PARD3: variants seen among roughly 807,000 people sequenced by gnomAD.
PARD3 encodes partitioning defective 3 homolog.
In PARD3, 75 loss-of-function variants were observed where a neutral mutation model predicts 155.4. That is an observed-to-expected ratio of 0.48 (90% CI 0.40 to 0.58). The LOEUF is 0.58. PARD3 is among the 20% of genes least tolerant of loss of function. The pLI, the probability that PARD3 is intolerant of heterozygous loss-of-function variation, is 0.00. For synonymous variants in PARD3, 576 were observed against 610.5 expected (o/e 0.94, Z 0.83); for missense variants, 1,642 against 1,721.7 (o/e 0.95, Z 0.82).
At chr10:34,579,337 G>A (rs1016917898) in intron 2 of PARD3, among the ~76,000 whole-genome samples, 3 of 151,604 alleles carry the variant, frequency 2.0e-5, no homozygotes, top group Middle Eastern at 3.4e-3. Context: ...AAACCCCAGC[G>A]CCTCTAAGCA....
chr10:34,789,756 C>G (rs868266161), intron 1 of PARD3, among the ~76,000 whole-genome samples: 3 of 148,698 alleles, frequency 2.0e-5, no homozygotes, highest in Non-Finnish European at 4.5e-5. Context: ...CACAAACAAA[C>G]AGAAAGAATG....
intron 20 of PARD3, among the ~76,000 whole-genome samples, chr10:34,288,309 T>C (rs1324553347): frequency 6.6e-6 from 1 of 152,200 alleles, no homozygotes; most frequent in Non-Finnish European, 1.5e-5. Flanking sequence ...TAGTAATTGC[T>C]TTAGTTAATA....
chr10:34,608,917 C>T (rs1232390160), intron 2 of PARD3, among the ~76,000 whole-genome samples: 1 of 152,084 alleles, frequency 6.6e-6, no homozygotes, highest in East Asian at 1.9e-4. Flanking sequence ...ATCTAGAGAT[C>T]ATCTACAGTC....
chr10:34,694,701 C>T (rs1484360424), intron 2 of PARD3, among the ~76,000 whole-genome samples: 4 of 151,962 alleles, frequency 2.6e-5, no homozygotes, highest in Non-Finnish European at 5.9e-5. Flanking sequence ...TTTTTTGATA[C>T]AATGTATTCC....
intron 2 of PARD3, among the ~76,000 whole-genome samples, chr10:34,612,236 G>C (rs2090965893): frequency 6.6e-6 from 1 of 152,054 alleles, no homozygotes; most frequent in Admixed American, 6.6e-5. Flanking sequence ...TTAATTGTAT[G>C]TTTATGCCTA....
intron 1 of PARD3, among the ~76,000 whole-genome samples, chr10:34,757,747 T>C (rs542212357): frequency 6.6e-6 from 1 of 151,890 alleles, no homozygotes; most frequent in Non-Finnish European, 1.5e-5. Context: ...TGAAAACCAT[T>C]GCAAATTCTA....
intron 7 of PARD3, among the ~76,000 whole-genome samples, chr10:34,388,130 C>T (rs1398415613): frequency 1.3e-5 from 2 of 152,136 alleles, no homozygotes; most frequent in African/African-American, 2.4e-5. Context: ...AGAGAAAGAA[C>T]ATCACCCTGA....
intron 3 of PARD3, among the ~76,000 whole-genome samples, chr10:34,492,189 C>G (rs1281232906): frequency 6.6e-6 from 1 of 152,154 alleles, no homozygotes; most frequent in East Asian, 1.9e-4. Context: ...CGTTAGTTTT[C>G]TCTGCAAACA....
At chr10:34,700,997 G>T (rs1186296831) in intron 1 of PARD3, among the ~76,000 whole-genome samples, 1 of 151,806 alleles carries the variant, frequency 6.6e-6, no homozygotes, top group East Asian at 1.9e-4. Flanking sequence ...AAATTTATCT[G>T]ACAAAATATA....
intron 22 of PARD3, among the ~76,000 whole-genome samples, chr10:34,261,817 G>GAAAC (rs1444824489): frequency 1.4e-4 from 14 of 96,596 alleles, no homozygotes; most frequent in South Asian, 4.3e-4. Context: ...AAGAAAGAAA[G>GAAAC]AAAGAAAGAA....
intron 14 of PARD3, among the ~76,000 whole-genome samples, chr10:34,352,344 C>G (rs1265175119): frequency 6.6e-6 from 1 of 151,628 alleles, no homozygotes; most frequent in African/African-American, 2.4e-5. Context: ...TTTTGCTCCC[C>G]TCTCCCCTCT....
intron 1 of PARD3, among the ~76,000 whole-genome samples, chr10:34,729,020 C>A (rs2094769152): frequency 6.6e-6 from 1 of 152,180 alleles, no homozygotes; most frequent in Admixed American, 6.5e-5. Context: ...AGGACAGTAA[C>A]AGGCTGTACA....
chr10:34,719,261 C>T (rs888711383), intron 1 of PARD3, among the ~76,000 whole-genome samples: 25 of 152,142 alleles, frequency 1.6e-4, no homozygotes, highest in East Asian at 1.9e-4. Flanking sequence ...ATGTAATATA[C>T]CACCAACAGA....
chr10:34,689,397 C>A (rs1043307996), intron 2 of PARD3, among the ~76,000 whole-genome samples: 2 of 152,194 alleles, frequency 1.3e-5, no homozygotes, highest in Non-Finnish European at 2.9e-5. Flanking sequence ...ATATTTCTTA[C>A]AGTTTCAACT....
chr10:34,760,301 C>T (rs1441795303), intron 1 of PARD3, among the ~76,000 whole-genome samples: 2 of 152,124 alleles, frequency 1.3e-5, no homozygotes, highest in African/African-American at 2.4e-5. Flanking sequence ...CGATTACAGA[C>T]ATGAGCCATT....
At chr10:34,570,574 T>G (rs570973402) in intron 2 of PARD3, among the ~76,000 whole-genome samples, 1 of 152,300 alleles carries the variant, frequency 6.6e-6, no homozygotes, top group East Asian at 1.9e-4. Flanking sequence ...CCCCTCCAAT[T>G]TAGACTAAAG....
chr10:34,631,605 T>G (rs912946697), intron 2 of PARD3, among the ~76,000 whole-genome samples: 2 of 152,186 alleles, frequency 1.3e-5, no homozygotes, highest in Non-Finnish European at 1.5e-5. Context: ...GGCTGGTTTT[T>G]GGCTTGAAAT....
intron 1 of PARD3, among the ~76,000 whole-genome samples, chr10:34,792,373 C>T (rs1841760988): frequency 6.6e-6 from 1 of 152,204 alleles, no homozygotes; most frequent in African/African-American, 2.4e-5. Context: ...GCACAGGTAC[C>T]GCACCCAGCA....
chr10:34,413,976 A>G (rs1429145152), intron 5 of PARD3, among the ~76,000 whole-genome samples: 2 of 152,194 alleles, frequency 1.3e-5, no homozygotes, highest in African/African-American at 4.8e-5. Flanking sequence ...TTCTGACAGT[A>G]AAAGAAATCC....
Sources: allele counts gnomAD v4.1 joint callset (sites outside exome capture counted in the v4.1 genomes callset), GRCh38; gene constraint gnomAD v4.1.1; transcripts MANE v1.5; gene names NCBI Gene and HGNC (gene_info 2026-07-23, HGNC 2026-07-21).